Variants in FAM114A1 observed in about 807,000 individuals in gnomAD.
FAM114A1 encodes the protein family with sequence similarity 114 member A1, also known as protein NOXP20.
Under a neutral mutation model 64.3 loss-of-function variants are expected in FAM114A1, and 62 were observed. The ratio of observed to expected loss-of-function variants is 0.96; its 90% CI spans 0.79 to 1.19. The LOEUF is 1.19. Among genes scored for constraint, FAM114A1 ranks in the 50% most tolerant of loss-of-function variants. FAM114A1 has a pLI of 0.00. For missense variants in FAM114A1, 645 were observed against 676.3 expected (o/e 0.95, Z 0.51); for synonymous variants, 254 against 251.1 (o/e 1.01, Z -0.11).
intron 3 of FAM114A1, among the ~76,000 whole-genome samples, chr4:38,882,578 G>A (rs1013786271): frequency 2.6e-5 from 4 of 152,118 alleles, no homozygotes; most frequent in Admixed American, 6.5e-5. Context: ...GCGGTGAGCC[G>A]AGATTGCACC....
At chr4:38,916,296 A>G (rs1266318413) in intron 8 of FAM114A1, among the ~76,000 whole-genome samples, 3 of 152,196 alleles carry the variant, frequency 2.0e-5, no homozygotes, top group Admixed American at 1.3e-4. Context: ...ATAATTTTCA[A>G]AAAGGGCAAA....
At position 38,905,565 on chromosome 4, in the gene FAM114A1, A is replaced by G; in HGVS notation, c.480A>G (p.Leu160=). 1 of 1,614,176 alleles carries G rather than the reference A, an allele frequency of 6.2e-7. No homozygotes were observed. Among genetic ancestry groups the G allele is most frequent in the South Asian group, 1.1e-5 (1 of 91,080 alleles). The change falls in exon 5 of 15, where the codon CTA becomes CTG. Residue 160 remains leucine, a synonymous_variant. Transcript: ENST00000358869. ...TAVKEKAGAT[L]RIHGVNSGSS... ...TCAAGGAAAAAGCAGGAGCCACTCT[A>G]CGGATTCATGGTGTAAATTCTGGAT...
chr4:38,916,353 A>T (rs1287571591), intron 8 of FAM114A1, among the ~76,000 whole-genome samples: 2 of 152,200 alleles, frequency 1.3e-5, no homozygotes, highest in East Asian at 1.9e-4. Flanking sequence ...TAAAGGATTT[A>T]TTTAGCTCAT....
intron 10 of FAM114A1, 40 bp downstream of exon 10, chr4:38,929,373 A>AG: frequency 1.4e-6 from 2 of 1,471,902 alleles, no homozygotes; most frequent in Non-Finnish European, 1.9e-6. Flanking sequence ...TTAAAAAAAA[A>AG]CAGTGCAGGG....
chr4:38,940,818 G>A (rs1235321579), intron 13 of FAM114A1, 150 bp from the exon 14 acceptor site: 3 of 727,554 alleles, frequency 4.1e-6, no homozygotes, highest in Non-Finnish European at 6.9e-6. Context: ...TGCAGCAGCG[G>A]GTATGAAGCC....
intron 9 of FAM114A1, among the ~76,000 whole-genome samples, chr4:38,927,469 G>A (rs1442583334): frequency 6.6e-6 from 1 of 151,960 alleles, no homozygotes; most frequent in African/African-American, 2.4e-5. Context: ...TTCATGGGGG[G>A]CTCCCCACTT....
chr4:38,931,322 G>A (rs140334553), intron 10 of FAM114A1, 129 bp from the exon 11 acceptor site: 15,635 of 1,114,046 alleles, frequency 0.014, 136 homozygotes, highest in Non-Finnish European at 0.017. Flanking sequence ...AAATTGCCCC[G>A]TCATCCTCCA....
At chr4:38,927,142 C>T (rs1434571275) in intron 9 of FAM114A1, among the ~76,000 whole-genome samples, 1 of 152,202 alleles carries the variant, frequency 6.6e-6, no homozygotes. Context: ...TCCCCCCTGA[C>T]ATCTTGTAGC....
chr4:38,935,757 A>G lies in FAM114A1; in HGVS notation c.1503A>G (p.Ser501=), dbSNP rs1023994192. 1.1e-5 allele frequency: 18 copies of G among 1,612,216 alleles called. No individual in the cohort carries two copies. Among genetic ancestry groups the G allele is most frequent in the Non-Finnish European group, 1.5e-5 (18 of 1,178,752 alleles). The part of the protein sequence containing the change: ...TAMCNEVASL[S]KKFTNSLTTV... ...TGTGCAATGAAGTGGCCTCTTTATC[A>G]AAGAAGTTTACGAATTCTTTAACCA... is the stretch of plus-strand genomic sequence containing the variant. The change falls in exon 13 of 15, where the codon TCA becomes TCG. Residue 501 remains serine, a synonymous_variant. Coordinates refer to ENST00000358869, the MANE Select transcript of FAM114A1 (RefSeq NM_138389.4).
chr4:38,911,217 A>C (rs1718497145), intron 7 of FAM114A1, among the ~76,000 whole-genome samples: 1 of 152,216 alleles, frequency 6.6e-6, no homozygotes, highest in African/African-American at 2.4e-5. Context: ...AGTGAAGAGA[A>C]GAGGGTGAGA....
rs1192331352 is a variant in FAM114A1, at chr4:38,944,677, G to C, written c.*1120G>C. The C allele has an allele frequency of 1.3e-5, 2 of 152,250 alleles. No homozygotes were observed. The highest frequency in any genetic ancestry group is 1.3e-4 in the Admixed American group (2 of 15,278). 9.4% of individuals were successfully genotyped at this position (152,250 alleles called of 1,614,324 possible). On this transcript the variant is annotated 3_prime_UTR_variant, in exon 15 of 15. Transcript: ENST00000358869. ...CCGTCAGGTCAGCAGCAGCATTAGA[G>C]TCTCATGGGAGTGCGAACCCTGTTG...
intron 11 of FAM114A1, 87 bp downstream of exon 11, chr4:38,931,699 T>C: frequency 7.4e-7 from 1 of 1,359,182 alleles, no homozygotes; most frequent in Non-Finnish European, 9.9e-7. Flanking sequence ...GGAGAGGCCA[T>C]TTCTTTTTCA....
At chr4:38,912,107 C>G (rs1430021299) in intron 7 of FAM114A1, among the ~76,000 whole-genome samples, 1 of 151,866 alleles carries the variant, frequency 6.6e-6, no homozygotes, top group Non-Finnish European at 1.5e-5. Context: ...GTGATCCACC[C>G]TATTTGGCCT....
intron 7 of FAM114A1, among the ~76,000 whole-genome samples, chr4:38,912,282 G>T (rs1718627613): frequency 6.6e-6 from 1 of 152,100 alleles, no homozygotes; most frequent in Non-Finnish European, 1.5e-5. Context: ...CCCTGCTATT[G>T]AAACCCACTT....
chr4:38,917,175 A>AATAAATAT (rs1177689686), intron 8 of FAM114A1, among the ~76,000 whole-genome samples: 1 of 151,210 alleles, frequency 6.6e-6, no homozygotes, highest in Non-Finnish European at 1.5e-5. Flanking sequence ...TAAATAAATA[A>AATAAATAT]ATAAATAAAT....
rs200881301 is a variant in FAM114A1 at position 38,922,855 on chromosome 4, C to A, written c.1031C>A (p.Ala344Asp). 1.7e-5 allele frequency: 27 copies of A among 1,612,314 alleles called. No homozygotes were observed. The East Asian group carries it at 5.8e-4, about 35-fold the overall frequency. Residue 344 changes from alanine (A) to aspartate (D), a missense_variant, in exon 9 of 15, where the codon GCC (alanine) becomes GAC (aspartate). By Grantham distance (126) the Ala-to-Asp change is moderately radical. Coordinates refer to ENST00000358869, the MANE Select transcript of FAM114A1 (RefSeq NM_138389.4). ...DLISIKDIFA[A>D]KELENEENQE... is the part of the protein sequence containing the mutation. ...ATTTCCATTAAAGACATCTTTGCAG[C>A]CAAAGAATTAGAGAATGAAGAAAAT...
chr4:38,935,669 A>G (rs1306727810), intron 12 of FAM114A1, 49 bp from the exon 13 acceptor site: 2 of 1,354,190 alleles, frequency 1.5e-6, no homozygotes, highest in African/African-American at 1.5e-5. Context: ...CAGTTAAATT[A>G]TTTTACCTTA....
rs561044580 is a variant in FAM114A1, at chr4:38,900,590, T to C, written c.437-4932T>C. ...TTAAAAAGAAGGAAATTCTGACATA[T>C]GTTACAACATGGATGAACCTTGAGG... On this transcript the variant is annotated intron_variant, in intron 4 of 14. Coordinates refer to ENST00000358869, the MANE Select transcript of FAM114A1 (RefSeq NM_138389.4). 2.6e-5 allele frequency among the ~76,000 whole-genome samples: 4 copies of C among 152,320 alleles called. No individual in the cohort carries two copies. In the East Asian group the frequency reaches 7.7e-4, roughly 29 times the overall value.
At chr4:38,940,872 A>C in intron 13 of FAM114A1, 96 bp from the exon 14 acceptor site, 39 of 1,279,308 alleles carry the variant, frequency 3.0e-5, no homozygotes, top group Non-Finnish European at 4.1e-5. Flanking sequence ...TTCCTCTGCA[A>C]GAGATCCCTC....
Sources: allele counts gnomAD v4.1 joint callset (sites outside exome capture counted in the v4.1 genomes callset), GRCh38; gene constraint gnomAD v4.1.1; transcripts MANE v1.5; gene names NCBI Gene and HGNC (gene_info 2026-07-23, HGNC 2026-07-21).